The following ATXN1 variants were observed in gnomAD, a reference collection of about 807,000 sequenced individuals.
ATXN1 encodes ataxin-1.
In ATXN1, 8 loss-of-function variants were observed where a neutral mutation model predicts 56.4. The ratio of observed to expected loss-of-function variants is 0.14; its 90% CI spans 0.08 to 0.26. The LOEUF (loss-of-function observed/expected upper bound fraction) is 0.26, where lower values mean the gene tolerates loss of function less well. Among genes scored for constraint, ATXN1 ranks in the 10% least tolerant of loss-of-function variants. The probability of loss-of-function intolerance (pLI) is 1.00; values close to 1 mark genes in which losing one functional copy is unlikely to be tolerated. For synonymous variants in ATXN1, 514 were observed against 494.6 expected, an observed-to-expected ratio of 1.04 and a Z score of -0.52; for missense variants, 987 against 1,106.5, an observed-to-expected ratio of 0.89 and a Z score of 1.53.
At chr6:16,627,012 T>C (rs1364443243) in intron 3 of ATXN1, among the ~76,000 whole-genome samples, 1 of 152,168 alleles carries the variant, frequency 6.6e-6, no homozygotes, top group Admixed American at 6.5e-5. Context: ...GTTACTTTGT[T>C]ATGGTAGACC....
intron 2 of ATXN1, among the ~76,000 whole-genome samples, chr6:16,723,617 A>G (rs1015877158): frequency 6.6e-6 from 1 of 151,894 alleles, no homozygotes; most frequent in African/African-American, 2.4e-5. Flanking sequence ...ATTCAACAGA[A>G]TAAGTTCCAA....
intron 6 of ATXN1, among the ~76,000 whole-genome samples, chr6:16,343,629 G>A (rs56178525): frequency 0.021 from 3,231 of 152,252 alleles, 107 homozygotes; most frequent in African/African-American, 0.072. Context: ...GCTCACTGAA[G>A]ACTGAAAGCT....
intron 6 of ATXN1, among the ~76,000 whole-genome samples, chr6:16,452,021 A>ATG (rs1404709979): frequency 2.0e-5 from 3 of 152,154 alleles, no homozygotes; most frequent in Admixed American, 1.3e-4. Context: ...AGGCGTCCGA[A>ATG]TGTCAGGCCG....
intron 6 of ATXN1, among the ~76,000 whole-genome samples, chr6:16,421,342 G>GA (rs5874553): frequency 0.18 from 27,206 of 148,324 alleles, 2,555 homozygotes; most frequent in African/African-American, 0.23. Context: ...AAGGACACAG[G>GA]AAAAAAAAAA....
At chr6:16,382,373 G>A (rs933206435) in intron 6 of ATXN1, among the ~76,000 whole-genome samples, 2 of 152,000 alleles carry the variant, frequency 1.3e-5, no homozygotes, top group African/African-American at 4.8e-5. Flanking sequence ...TGAGGTGGAA[G>A]CATCACTTGG....
chr6:16,466,317 CAAAAAAAAAAAAAA>C (rs200261208), intron 6 of ATXN1, among the ~76,000 whole-genome samples: 14 of 79,874 alleles, frequency 1.8e-4, no homozygotes, highest in South Asian at 3.8e-4. Flanking sequence ...GACCCCATCT[CAAAAAAAAAAAAAA>C]AAAAAAAAAA....
chr6:16,408,489 G>T (rs1758731254), intron 6 of ATXN1, among the ~76,000 whole-genome samples: 1 of 150,190 alleles, frequency 6.7e-6, no homozygotes, highest in South Asian at 2.1e-4. Context: ...GGAAGAAGAT[G>T]AGAATGAGGA....
intron 4 of ATXN1, among the ~76,000 whole-genome samples, chr6:16,529,463 T>C (rs2113704454): frequency 6.6e-6 from 1 of 152,234 alleles, no homozygotes; most frequent in South Asian, 2.1e-4. Flanking sequence ...CAGTCTTAAA[T>C]GATCTCCATC....
chr6:16,437,295 C>T (rs189922924), intron 6 of ATXN1, among the ~76,000 whole-genome samples: 8 of 152,306 alleles, frequency 5.3e-5, no homozygotes, highest in East Asian at 1.9e-4. Flanking sequence ...TAGGCTGTAT[C>T]GGCTGTGGGT....
chr6:16,628,459 C>A (rs1354843255), intron 3 of ATXN1, among the ~76,000 whole-genome samples: 1 of 152,062 alleles, frequency 6.6e-6, no homozygotes, highest in African/African-American at 2.4e-5. Flanking sequence ...TTTAAAATAA[C>A]CTATTTCTTA....
At chr6:16,725,702 T>C (rs1379684083) in intron 2 of ATXN1, among the ~76,000 whole-genome samples, 1 of 152,216 alleles carries the variant, frequency 6.6e-6, no homozygotes, top group African/African-American at 2.4e-5. Flanking sequence ...CAACAATATT[T>C]ATGCCCAGAT....
chr6:16,536,846 A>G (rs968492278), intron 4 of ATXN1, among the ~76,000 whole-genome samples: 27 of 152,300 alleles, frequency 1.8e-4, no homozygotes, highest in African/African-American at 6.5e-4. Flanking sequence ...GGACCCTCCA[A>G]TCATTTTTGT....
rs1761960907 is a variant in ATXN1 at position 16,553,633 on chromosome 6, T to C, written c.-360-30945A>G. ...TCAAAAATATCAGTTGACAGACTGA[T>C]TGAAAATAGAATCCGTGGTTCTGAA... is the stretch of plus-strand genomic sequence containing the variant. On this transcript the variant is annotated intron_variant, in intron 4 of 7. Coordinates refer to ENST00000436367, the MANE Select transcript of ATXN1 (RefSeq NM_001128164.2). Among the ~76,000 whole-genome samples the C allele has an allele frequency of 1.3e-5, 2 of 152,186 alleles. 1 individual carries two copies. The highest frequency in any genetic ancestry group is 4.1e-4 in the South Asian group (2 of 4,834).
At chr6:16,526,041 C>CTATATATATATATATATA (rs71769107) in intron 4 of ATXN1, among the ~76,000 whole-genome samples, 13 of 127,132 alleles carry the variant, frequency 1.0e-4, no homozygotes, top group South Asian at 2.5e-4. Context: ...AGAAATAAAT[C>CTATATATATATATATATA]TATATATATA....
At chr6:16,720,473 C>T (rs1481658784) in intron 2 of ATXN1, among the ~76,000 whole-genome samples, 1 of 152,154 alleles carries the variant, frequency 6.6e-6, no homozygotes, top group East Asian at 1.9e-4. Context: ...TCAATAAATA[C>T]TTGGTTGTAT....
At chr6:16,515,522 T>C (rs898277023) in intron 5 of ATXN1, among the ~76,000 whole-genome samples, 4 of 152,142 alleles carry the variant, frequency 2.6e-5, no homozygotes, top group Admixed American at 2.0e-4. Context: ...CTTCACCACA[T>C]AATACACACG....
At chr6:16,495,331 G>T (rs2113667541) in intron 5 of ATXN1, among the ~76,000 whole-genome samples, 1 of 152,134 alleles carries the variant, frequency 6.6e-6, no homozygotes, top group African/African-American at 2.4e-5. Context: ...TATTTTATTT[G>T]GCCTGACTTC....
chr6:16,348,622 G>A (rs922061986), intron 6 of ATXN1, among the ~76,000 whole-genome samples: 2 of 152,178 alleles, frequency 1.3e-5, no homozygotes, highest in East Asian at 1.9e-4. Flanking sequence ...TTGAACCCGC[G>A]AGGTGGAGGT....
Position 16,302,625 on chromosome 6 carries a change from T to A in ATXN1, c.*3704A>T, listed in dbSNP as rs1380954165. 1.3e-5 allele frequency: 2 copies of A among 152,602 alleles called. No homozygotes were observed. The highest frequency in any genetic ancestry group is 3.8e-4 in the East Asian group (2 of 5,200). The allele number at this position is 152,602 out of a possible 1,614,324, so 9.5% of individuals were successfully genotyped here. ...AACAGTCATTTTATATATTTAGAAA[T>A]CCCTAGAAAGAGAGGTTCTTGTTTG... On this transcript the variant is annotated 3_prime_UTR_variant, in exon 8 of 8. Transcript: ENST00000436367.
Sources: allele counts gnomAD v4.1 joint callset (sites outside exome capture counted in the v4.1 genomes callset), GRCh38; gene constraint gnomAD v4.1.1; transcripts MANE v1.5; gene names NCBI Gene and HGNC (gene_info 2026-07-23, HGNC 2026-07-21).